The following AFF3 variants were observed in gnomAD, a reference collection of about 807,000 sequenced individuals.
The protein encoded by AFF3 is AF4/FMR2 family member 3.
Under a neutral mutation model 129.7 loss-of-function variants are expected in AFF3, and 32 were observed. The observed-to-expected ratio is 0.25, with a 90% CI of 0.19 to 0.33. AFF3 has a LOEUF of 0.33. Ranked by LOEUF, AFF3 falls within the 10% of genes least tolerant of loss-of-function variation. The pLI is 1.00. For synonymous variants in AFF3, 644 were observed against 635.4 expected (o/e 1.01, Z -0.20); for missense variants, 1,373 against 1,592.0 (o/e 0.86, Z 2.34).
At chr2:99,622,610 C>G (rs200395929) in intron 13 of AFF3, among the ~76,000 whole-genome samples, 7 of 152,250 alleles carry the variant, frequency 4.6e-5, no homozygotes, top group Non-Finnish European at 1.0e-4. Context: ...TGAGCAATCT[C>G]GCTTCCAGAA....
chr2:99,600,431 G>A (rs1404526350), intron 14 of AFF3, among the ~76,000 whole-genome samples: 1 of 152,150 alleles, frequency 6.6e-6, no homozygotes, highest in Non-Finnish European at 1.5e-5. Context: ...GCTTTCAGGT[G>A]TGATAACATC....
At chr2:99,660,880 A>G (rs901974330) in intron 12 of AFF3, among the ~76,000 whole-genome samples, 2 of 152,212 alleles carry the variant, frequency 1.3e-5, no homozygotes, top group African/African-American at 4.8e-5. Flanking sequence ...ATGATCACAC[A>G]TGATTTTTCT....
chr2:99,822,695 C>A (rs894684477), intron 8 of AFF3, among the ~76,000 whole-genome samples: 1 of 152,162 alleles, frequency 6.6e-6, no homozygotes, highest in Non-Finnish European at 1.5e-5. Flanking sequence ...GACCCCTCCC[C>A]GCATCCACAC....
At chr2:99,862,081 C>G (rs1426562206) in intron 7 of AFF3, among the ~76,000 whole-genome samples, 1 of 152,046 alleles carries the variant, frequency 6.6e-6, no homozygotes, top group Non-Finnish European at 1.5e-5. Context: ...TGAAGTCTTC[C>G]CCCACACTTC....
chr2:99,642,199 G>C (rs1344844178), intron 13 of AFF3, among the ~76,000 whole-genome samples: 1 of 152,206 alleles, frequency 6.6e-6, no homozygotes, highest in African/African-American at 2.4e-5. Flanking sequence ...CTCGCTACAA[G>C]AGACTTCTCG....
At chr2:99,681,671 T>G (rs1349362676) in intron 11 of AFF3, among the ~76,000 whole-genome samples, 1 of 152,228 alleles carries the variant, frequency 6.6e-6, no homozygotes, top group Non-Finnish European at 1.5e-5. Flanking sequence ...TCGTAGGTGC[T>G]GTTGATGAAC....
intron 8 of AFF3, among the ~76,000 whole-genome samples, chr2:99,764,189 G>A (rs1682829337): frequency 6.6e-6 from 1 of 152,038 alleles, no homozygotes; most frequent in Admixed American, 6.6e-5. Context: ...CAGGGCATCT[G>A]GCCTTTCATT....
chr2:99,910,569 A>G (rs941927051), intron 7 of AFF3, among the ~76,000 whole-genome samples: 1 of 152,220 alleles, frequency 6.6e-6, no homozygotes, highest in African/African-American at 2.4e-5. Flanking sequence ...TCACTGTGTA[A>G]TAGTGCAAAC....
intron 11 of AFF3, among the ~76,000 whole-genome samples, chr2:99,681,692 T>C (rs574811048): frequency 1.3e-5 from 2 of 152,252 alleles, no homozygotes; most frequent in East Asian, 1.9e-4. Context: ...CAGAAAGCAG[T>C]TTCTCAACAG....
At chr2:100,075,348 G>A (rs539872200) in intron 4 of AFF3, among the ~76,000 whole-genome samples, 5 of 151,916 alleles carry the variant, frequency 3.3e-5, no homozygotes, top group Non-Finnish European at 7.4e-5. Flanking sequence ...CTCGTGTTTG[G>A]GGCAATCATT....
intron 8 of AFF3, among the ~76,000 whole-genome samples, chr2:99,794,606 G>T (rs1685432734): frequency 6.6e-6 from 1 of 152,028 alleles, no homozygotes; most frequent in African/African-American, 2.4e-5. Flanking sequence ...GACTCAAGGG[G>T]TCCCCTATGT....
At chr2:99,956,683 CAT>C (rs1388478092) in intron 7 of AFF3, among the ~76,000 whole-genome samples, 17 of 152,158 alleles carry the variant, frequency 1.1e-4, no homozygotes, top group African/African-American at 2.7e-4. Context: ...ATTCCAGAGA[CAT>C]GTGTGTTCAT....
intron 2 of AFF3, 171 bp from the exon 3 acceptor site, chr2:100,105,754 C>T (rs1379297802): frequency 1.5e-6 from 2 of 1,362,530 alleles, no homozygotes; most frequent in East Asian, 7.4e-5. Flanking sequence ...CCGGAAGCCC[C>T]TCCAAGGCCC....
chr2:100,042,394 G>A (rs977494331), intron 4 of AFF3, among the ~76,000 whole-genome samples: 5 of 151,812 alleles, frequency 3.3e-5, no homozygotes, highest in African/African-American at 4.8e-5. Flanking sequence ...CTGATTATCC[G>A]GACCACAAAT....
At chr2:99,931,321 T>C (rs904846764) in intron 7 of AFF3, among the ~76,000 whole-genome samples, 5 of 152,142 alleles carry the variant, frequency 3.3e-5, no homozygotes, top group African/African-American at 7.2e-5. Context: ...GCCAAAGAAT[T>C]AGGCTGGTGC....
intron 8 of AFF3, among the ~76,000 whole-genome samples, chr2:99,769,827 T>TACTTTCTCCCAAACAAATGGAGTCTC (rs1683323123): frequency 6.6e-6 from 1 of 152,182 alleles, no homozygotes; most frequent in African/African-American, 2.4e-5. Flanking sequence ...TCTCTTCCCT[T>TACTTTCTCCCAAACAAATGGAGTCTC]ACTTTCTCCC....
intron 8 of AFF3, among the ~76,000 whole-genome samples, chr2:99,774,699 A>G (rs948889568): frequency 1.3e-5 from 2 of 152,182 alleles, no homozygotes; most frequent in Admixed American, 1.3e-4. Context: ...ATTTCATGAC[A>G]AAGATGCCAA....
At chr2:99,959,339 C>CAAAAAAAA (rs34083581) in intron 7 of AFF3, among the ~76,000 whole-genome samples, 1 of 66,932 alleles carries the variant, frequency 1.5e-5, no homozygotes. Flanking sequence ...AAGAGTCTGC[C>CAAAAAAAA]AAAAAAAAAA....
At chr2:99,993,083 G>C (rs1263416333) in intron 7 of AFF3, among the ~76,000 whole-genome samples, 1 of 152,218 alleles carries the variant, frequency 6.6e-6, no homozygotes, top group East Asian at 1.9e-4. Flanking sequence ...ATAGGTGGCA[G>C]AGCAACAGAA....
Sources: allele counts gnomAD v4.1 joint callset (sites outside exome capture counted in the v4.1 genomes callset), GRCh38; gene constraint gnomAD v4.1.1; transcripts MANE v1.5; gene names NCBI Gene and HGNC (gene_info 2026-07-23, HGNC 2026-07-21).